Variants in BST1 observed in about 807,000 individuals in gnomAD.
The protein encoded by BST1 is bone marrow stromal cell antigen 1, also known as ADP-ribosyl cyclase/cyclic ADP-ribose hydrolase 2.
Under a neutral mutation model 40.6 loss-of-function variants are expected in BST1, and 49 were observed. The observed-to-expected ratio is 1.21, with a 90% CI of 0.96 to 1.53. The LOEUF is 1.53. Among genes scored for constraint, BST1 ranks in the 40% most tolerant of loss-of-function variants. The pLI is 0.00. For missense variants in BST1, 423 were observed against 395.9 expected, an observed-to-expected ratio of 1.07 and a Z score of -0.58; for synonymous variants, 157 against 159.3, an observed-to-expected ratio of 0.99 and a Z score of 0.11.
chr4:15,752,785 T>C, the BST1 span, among the ~76,000 whole-genome samples: 298 of 152,164 alleles, frequency 2.0e-3, 4 homozygotes, highest in African/African-American at 6.8e-3. Flanking sequence ...GGGAAGAAAA[T>C]AGGCCAGATC....
chr4:15,735,823 C>T (rs1279212723), downstream of BST1, among the ~76,000 whole-genome samples: 2 of 152,094 alleles, frequency 1.3e-5, no homozygotes, highest in African/African-American at 4.8e-5. Context: ...ACCTGCGACT[C>T]AATTAGAGAA....
intron 3 of BST1, among the ~76,000 whole-genome samples, chr4:15,710,239 A>G (rs929898479): frequency 1.3e-5 from 2 of 151,880 alleles, no homozygotes; most frequent in African/African-American, 4.8e-5. Context: ...CTCCCAAAGC[A>G]CTGGCATTAC....
the BST1 span, among the ~76,000 whole-genome samples, chr4:15,756,425 G>A: frequency 8.5e-5 from 13 of 152,296 alleles, no homozygotes; most frequent in African/African-American, 3.1e-4. Flanking sequence ...AGGTCTGGGG[G>A]TGAGATGTGT....
chr4:15,729,281 G>A (rs1310840928), intron 8 of BST1, among the ~76,000 whole-genome samples: 3 of 152,016 alleles, frequency 2.0e-5, no homozygotes, highest in Non-Finnish European at 2.9e-5. Flanking sequence ...GCGAGACCCC[G>A]CCTCTACAAG....
At position 15,703,271 on chromosome 4, in the gene BST1, T is replaced by C. The variant is rs1380388313; in HGVS notation, c.127T>C (p.Leu43=). The change falls in exon 1 of 9, where the codon TTG becomes CTG. Residue 43 remains leucine, a synonymous_variant. Coordinates refer to ENST00000265016, the MANE Select transcript of BST1 (RefSeq NM_004334.3). ...GCGCGGGGAGGGCACCAGCGCACAC[T>C]TGCGGGACATCTTCCTGGGCCGCTG... ...RWRGEGTSAH[L]RDIFLGRCAE... The C allele has an allele frequency of 6.5e-7, 1 of 1,537,984 alleles. No homozygotes were observed. Among genetic ancestry groups the C allele is most frequent in the Non-Finnish European group, 8.7e-7 (1 of 1,146,678 alleles).
chr4:15,767,125 G>A, the BST1 span, among the ~76,000 whole-genome samples: 2 of 150,250 alleles, frequency 1.3e-5, no homozygotes, highest in African/African-American at 2.5e-5. Flanking sequence ...AGAAGGGAGA[G>A]AAAGTACCCA....
At chr4:15,762,684 G>A in the BST1 span, among the ~76,000 whole-genome samples, 13 of 151,898 alleles carry the variant, frequency 8.6e-5, 2 homozygotes, top group African/African-American at 3.2e-4. Context: ...CTGAAAGTTT[G>A]TACTTTTTGA....
At chr4:15,708,276 TAG>T (rs1720004942) in intron 3 of BST1, among the ~76,000 whole-genome samples, 1 of 152,094 alleles carries the variant, frequency 6.6e-6, no homozygotes, top group South Asian at 2.1e-4. Context: ...CAAGGAAAGT[TAG>T]AGTCACAAGA....
At chr4:15,750,742 A>C in the BST1 span, among the ~76,000 whole-genome samples, 1 of 152,248 alleles carries the variant, frequency 6.6e-6, no homozygotes, top group Non-Finnish European at 1.5e-5. Context: ...TGTAGAAATG[A>C]TCATGCTTGT....
chr4:15,757,243 A>T, the BST1 span, among the ~76,000 whole-genome samples: 7 of 151,704 alleles, frequency 4.6e-5, no homozygotes, highest in Non-Finnish European at 1.0e-4. Flanking sequence ...CAACTCTCAT[A>T]TTTTCGCGGG....
chr4:15,705,724 T>G, intron 2 of BST1, 83 bp downstream of exon 2: 2 of 1,524,224 alleles, frequency 1.3e-6, no homozygotes, highest in Non-Finnish European at 1.8e-6. Context: ...TGACATTAGC[T>G]GTCCCCTGCA....
the BST1 span, among the ~76,000 whole-genome samples, chr4:15,762,440 T>A: frequency 6.6e-6 from 1 of 151,948 alleles, no homozygotes; most frequent in African/African-American, 2.4e-5. Flanking sequence ...TTCATTTCAT[T>A]TAAAAATATT....
At chr4:15,749,022 C>T in the BST1 span, among the ~76,000 whole-genome samples, 24 of 152,272 alleles carry the variant, frequency 1.6e-4, no homozygotes, top group East Asian at 4.1e-3. Flanking sequence ...TCACTGAGGG[C>T]AACTGGAGCT....
chr4:15,738,523 C>A (rs1244181253), downstream of BST1, among the ~76,000 whole-genome samples: 1 of 151,932 alleles, frequency 6.6e-6, no homozygotes, highest in East Asian at 1.9e-4. Flanking sequence ...TAAAAACATT[C>A]CTAAATATTG....
rs1012682735 is a variant in BST1, at chr4:15,711,827, C to T, written c.472C>T (p.Pro158Ser). Residue 158 changes from proline (P) to serine (S), a missense_variant, in exon 4 of 9, where the codon CCT becomes TCT. Physicochemically the swap from Pro to Ser is moderately conservative, Grantham distance 74. Transcript: ENST00000265016. ...NDSGLDYQSC[P>S]TSEDCENNPV... ...CTTAGGACTCGATTACCAATCCTGC[C>T]CTACATCAGAAGACTGTGAAAATAA... 1.9e-6 allele frequency: 3 copies of T among 1,613,802 alleles called. No individual in the cohort carries two copies. The highest frequency in any genetic ancestry group is 2.7e-5 in the African/African-American group (2 of 74,904).
At chr4:15,735,061 G>T (rs1223391616), downstream of BST1, among the ~76,000 whole-genome samples, 5 of 152,144 alleles carry the variant, frequency 3.3e-5, no homozygotes. Context: ...AAGTTGCTTG[G>T]TGCTCTACCC....
the BST1 span, among the ~76,000 whole-genome samples, chr4:15,749,199 G>A: frequency 6.6e-6 from 1 of 152,158 alleles, no homozygotes; most frequent in Admixed American, 6.5e-5. Flanking sequence ...CCCCGTGTGG[G>A]GGCAGAACAG....
exon 7 of BST1, chr4:15,738,200 GA>G (rs1371129634): frequency 5.5e-6 from 1 of 180,934 alleles, no homozygotes; most frequent in Non-Finnish European, 1.2e-5. Context: ...GCCAGTGGGG[GA>G]GGCTATGTAT....
At chr4:15,758,318 C>T in the BST1 span, among the ~76,000 whole-genome samples, 1 of 151,974 alleles carries the variant, frequency 6.6e-6, no homozygotes, top group African/African-American at 2.4e-5. Context: ...TCTAGTAGTC[C>T]CCAGCGTCTA....
Sources: gnomAD v4.1 joint callset for allele counts (sites outside exome capture counted in the v4.1 genomes callset) on GRCh38, gnomAD v4.1.1 for gene constraint, MANE v1.5 for transcripts, NCBI Gene and HGNC (gene_info 2026-07-23, HGNC 2026-07-21) for gene names.